PPP2R3A: variants seen among roughly 807,000 people sequenced by gnomAD.
The protein encoded by PPP2R3A is protein phosphatase 2 regulatory subunit B''alpha, also known as serine/threonine-protein phosphatase 2A regulatory subunit B'' subunit alpha.
In PPP2R3A, 80 loss-of-function variants were observed where a neutral mutation model predicts 106.9. That is an observed-to-expected ratio of 0.75 (90% CI 0.62 to 0.90). The LOEUF is 0.90. Ranked by LOEUF, PPP2R3A falls within the 40% of genes least tolerant of loss-of-function variation. The pLI is 0.00. For synonymous variants in PPP2R3A, 483 were observed against 468.3 expected (o/e 1.03, Z -0.41); for missense variants, 1,386 against 1,350.4 (o/e 1.03, Z -0.41).
Position 136,146,637 on chromosome 3 carries a change from G to C in PPP2R3A, c.*1471G>C, listed in dbSNP as rs1410831953. 6.6e-6 allele frequency: 1 copy of C among 152,116 alleles called. No homozygotes were observed. Among genetic ancestry groups the C allele is most frequent in the Non-Finnish European group, 1.5e-5 (1 of 68,016 alleles). The allele number at this position is 152,116 out of a possible 1,614,324, so 9.4% of individuals were successfully genotyped here. A position where few individuals can be genotyped will look rare whatever the true frequency, so the allele number is the denominator to read the frequency against. Reference sequence around the variant, plus strand: ...TCATTTTATCTTCATGATTAGAACTGATCTTCCATTTAACTATTACAGAAA... The same window carrying C: ...TCATTTTATCTTCATGATTAGAACTCATCTTCCATTTAACTATTACAGAAA... On this transcript the variant is annotated 3_prime_UTR_variant, in exon 14 of 14. Coordinates refer to ENST00000264977, the MANE Select transcript of PPP2R3A (RefSeq NM_002718.5).
In PPP2R3A at chr3:136,002,086, C is replaced by A. The variant is rs758934465; in HGVS notation, c.588C>A (p.Asn196Lys). 6.2e-7 allele frequency: 1 copy of A among 1,613,918 alleles called. No individual in the cohort carries two copies. The highest frequency in any genetic ancestry group is 8.5e-7 in the Non-Finnish European group (1 of 1,179,994). Residue 196 changes from asparagine (N) to lysine (K), a missense_variant, in exon 2 of 14, where the codon AAC (asparagine) becomes AAA (lysine). Transcript: ENST00000264977. ...CTCATAGAAACTCACTGGATACGAACCTGACTTCCATGTTTCTTCAAAACT... is the reference window on the plus strand; with the variant it reads ...CTCATAGAAACTCACTGGATACGAAACTGACTTCCATGTTTCTTCAAAACT... ...PLSHRNSLDT[N>K]LTSMFLQNFS...
chr3:135,985,451 A>T (rs1187745883), intron 1 of PPP2R3A, among the ~76,000 whole-genome samples: 1 of 150,718 alleles, frequency 6.6e-6, no homozygotes, highest in Non-Finnish European at 1.5e-5. Context: ...TCACACACAC[A>T]TACTCTTCCC....
intron 13 of PPP2R3A, among the ~76,000 whole-genome samples, chr3:136,123,838 T>C (rs1283680855): frequency 6.6e-6 from 1 of 152,218 alleles, no homozygotes; most frequent in Admixed American, 6.5e-5. Flanking sequence ...CAGTAATTGA[T>C]AGAACGATTG....
chr3:135,999,556 A>AT (rs573237116), intron 1 of PPP2R3A, among the ~76,000 whole-genome samples: 66 of 149,544 alleles, frequency 4.4e-4, no homozygotes, highest in East Asian at 7.9e-4. Context: ...ATTCTTTGGC[A>AT]TTTTTTTTTT....
At chr3:135,993,549 A>C (rs1440605082) in intron 1 of PPP2R3A, among the ~76,000 whole-genome samples, 1 of 152,266 alleles carries the variant, frequency 6.6e-6, no homozygotes, top group Non-Finnish European at 1.5e-5. Context: ...ATTACCCAAA[A>C]GAAATGAACA....
intron 2 of PPP2R3A, among the ~76,000 whole-genome samples, chr3:136,025,714 G>A (rs878926899): frequency 5.9e-5 from 9 of 151,882 alleles, no homozygotes; most frequent in African/African-American, 1.7e-4. Context: ...GTAATTTAAG[G>A]AAGAAATTTG....
chr3:136,013,469 C>T (rs997304364), intron 2 of PPP2R3A, among the ~76,000 whole-genome samples: 4 of 152,098 alleles, frequency 2.6e-5, no homozygotes, highest in Admixed American at 2.6e-4. Flanking sequence ...TACATTCCCA[C>T]CAGCAGTGTA....
At chr3:136,105,180 G>GAA (rs1308309555) in intron 12 of PPP2R3A, among the ~76,000 whole-genome samples, 1 of 152,148 alleles carries the variant, frequency 6.6e-6, no homozygotes, top group East Asian at 1.9e-4. Context: ...TATCTGAGTT[G>GAA]GCTTTTAAAG....
intron 13 of PPP2R3A, among the ~76,000 whole-genome samples, chr3:136,108,467 G>A (rs1311686526): frequency 6.6e-6 from 1 of 152,034 alleles, no homozygotes; most frequent in Non-Finnish European, 1.5e-5. Flanking sequence ...ATTAGGTATA[G>A]GTAAGGAAAG....
chr3:136,018,144 GTA>G (rs1348832467), intron 2 of PPP2R3A, among the ~76,000 whole-genome samples: 3 of 152,154 alleles, frequency 2.0e-5, no homozygotes, highest in Non-Finnish European at 4.4e-5. Flanking sequence ...CCATGTGCCT[GTA>G]GTCCCAGCTA....
rs1553762099 is a variant in PPP2R3A, at chr3:136,145,252, T to TAAAG, written c.*88_*91dup. 6.8e-7 allele frequency: 1 copy of TAAAG among 1,461,808 alleles called. No individual in the cohort carries two copies. The highest frequency in any genetic ancestry group is 1.4e-5 in the African/African-American group (1 of 69,996). The allele number at this position is 1,461,808 out of a possible 1,614,324, so 90.6% of individuals were successfully genotyped here. On this transcript the variant is annotated 3_prime_UTR_variant, in exon 14 of 14. Coordinates refer to ENST00000264977, the MANE Select transcript of PPP2R3A (RefSeq NM_002718.5). ...ATGTTCTCGTTTGCATACTGCTTTT[T>TAAAG]AAAGACTTTGATTTCTCCAAGTGTG...
intron 13 of PPP2R3A, among the ~76,000 whole-genome samples, chr3:136,119,246 A>G (rs1559930968): frequency 6.6e-6 from 1 of 152,220 alleles, no homozygotes; most frequent in Non-Finnish European, 1.5e-5. Flanking sequence ...ACTTAAACGT[A>G]AGACCTAAAA....
At chr3:135,981,725 A>G (rs936664693) in intron 1 of PPP2R3A, among the ~76,000 whole-genome samples, 1 of 151,806 alleles carries the variant, frequency 6.6e-6, no homozygotes, top group African/African-American at 2.4e-5. Flanking sequence ...CCAAGAACTC[A>G]TAAGTTTTAT....
At chr3:136,013,080 A>G (rs531205633) in intron 2 of PPP2R3A, among the ~76,000 whole-genome samples, 1 of 152,132 alleles carries the variant, frequency 6.6e-6, no homozygotes, top group African/African-American at 2.4e-5. Context: ...TTCACCTACA[A>G]TAGTAGTCTC....
intron 10 of PPP2R3A, among the ~76,000 whole-genome samples, chr3:136,096,880 G>A (rs1370367351): frequency 1.3e-5 from 2 of 152,188 alleles, no homozygotes; most frequent in Non-Finnish European, 2.9e-5. Flanking sequence ...GCTTGAACCC[G>A]GGGGTTGGGG....
At chr3:135,985,401 TCTCTCTCTCG>T (rs1214601405) in intron 1 of PPP2R3A, among the ~76,000 whole-genome samples, 2 of 145,300 alleles carry the variant, frequency 1.4e-5, no homozygotes, top group East Asian at 2.2e-4. Context: ...CCTCTCTCCC[TCTCTCTCTCG>T]CTCTCTCTGT....
In PPP2R3A at chr3:136,103,114, G is replaced by C. The variant is rs908380816; in HGVS notation, c.3104-144G>C. On this transcript the variant is annotated intron_variant, in intron 11 of 13. Coordinates refer to ENST00000264977, the MANE Select transcript of PPP2R3A (RefSeq NM_002718.5). The stretch of plus-strand genomic sequence containing the variant: ...TGAGAAATTGATACCCTTGAAAAAA[G>C]AAATGAGATTTAAATTTTTTTATTC... The C allele has an allele frequency of 4.8e-5, 24 of 503,008 alleles. 1 individual carries two copies. In the South Asian group the frequency reaches 6.8e-4, roughly 14 times the overall value. 31.2% of individuals were successfully genotyped at this position (503,008 alleles called of 1,614,324 possible).
rs1431323807 is a variant in PPP2R3A, at chr3:136,087,907, G to C, written c.2813G>C (p.Arg938Thr). ...DQASSSRIIE[R>T]IFSGAVTRGK... ...GCTTCATCAAGCAGGATTATTGAAA[G>C]GATATTCTCTGGTGCAGTAACAAGG... is the stretch of plus-strand genomic sequence containing the variant. Residue 938 changes from arginine to threonine, a missense_variant, in exon 9 of 14, where the codon AGG becomes ACG. By Grantham distance (71) the Arg-to-Thr change is moderately conservative. Transcript: ENST00000264977. 6.2e-7 allele frequency: 1 copy of C among 1,610,424 alleles called. No homozygotes were observed. Among genetic ancestry groups the C allele is most frequent in the East Asian group, 2.2e-5 (1 of 44,738 alleles).
Position 136,082,350 on chromosome 3 carries a change from A to G in PPP2R3A, c.2717A>G (p.Lys906Arg). 6.2e-7 allele frequency: 1 copy of G among 1,611,928 alleles called. No homozygotes were observed. The highest frequency in any genetic ancestry group is 8.5e-7 in the Non-Finnish European group (1 of 1,178,032). ...GAACATTTCTATGTTATTTATTGTA[A>G]ATTCTGGGAACTAGATACTGATCAC... The part of the protein sequence containing the change: ...SYEHFYVIYC[K>R]FWELDTDHDL... Residue 906 changes from lysine to arginine, a missense_variant, in exon 8 of 14, where the codon AAA becomes AGA. By Grantham distance (26) the Lys-to-Arg change is conservative. Transcript: ENST00000264977.
Sources: allele counts gnomAD v4.1 joint callset (sites outside exome capture counted in the v4.1 genomes callset), GRCh38; gene constraint gnomAD v4.1.1; transcripts MANE v1.5; gene names NCBI Gene and HGNC (gene_info 2026-07-23, HGNC 2026-07-21).